Variants in SLC30A9 observed in about 807,000 individuals in gnomAD.
The protein encoded by SLC30A9 is proton-coupled zinc antiporter SLC30A9, mitochondrial.
A neutral mutation model predicts 87.5 loss-of-function variants in SLC30A9; 58 were observed. The observed-to-expected ratio is 0.66, with a 90% CI of 0.54 to 0.82. The LOEUF (loss-of-function observed/expected upper bound fraction) is 0.82. Among genes scored for constraint, SLC30A9 ranks in the 40% least tolerant of loss-of-function variants. The pLI is 0.00. For synonymous variants in SLC30A9, 234 were observed against 233.0 expected (o/e 1.00, Z -0.04); for missense variants, 557 against 679.1 (o/e 0.82, Z 2.00).
rs752992583 is a variant in SLC30A9, at chr4:41,990,681, C to T, written c.30C>T (p.Ala10=). Residue 10 remains alanine (A), a synonymous_variant, in exon 1 of 18, where the codon GCC becomes GCT. Transcript: ENST00000264451. MLPGLAAAA[A]HRCSWSSLCR... is the part of the protein sequence containing the mutation. ...TACCCGGCTTGGCCGCCGCCGCGGC[C>T]CACAGATGTAGCTGGTCCTCCCTGT... 1.2e-6 allele frequency: 2 copies of T among 1,609,844 alleles called. No homozygotes were observed. The highest frequency in any genetic ancestry group is 4.5e-5 in the East Asian group (2 of 44,762).
intron 1 of SLC30A9, among the ~76,000 whole-genome samples, chr4:41,994,368 G>T (rs1302017367): frequency 2.6e-5 from 4 of 151,782 alleles, no homozygotes; most frequent in African/African-American, 9.7e-5. Flanking sequence ...TCTGTAGTAA[G>T]TATATCCTTT....
Position 42,020,514 on chromosome 4 carries a change from A to G in SLC30A9, c.433A>G (p.Ser145Gly), listed in dbSNP as rs1445339663. 2.6e-6 allele frequency: 4 copies of G among 1,561,020 alleles called. No homozygotes were observed. The East Asian group carries it at 6.8e-5, about 27-fold the overall frequency. Residue 145 changes from serine to glycine, a missense_variant and splice_region_variant, in exon 4 of 18, where the codon AGT (serine) becomes GGT (glycine). Physicochemically the swap from Ser to Gly is moderately conservative, Grantham distance 56. This residue lies in a region of SLC30A9 where 467 missense variants were observed against 529.8 expected (regional missense o/e 0.88). Coordinates refer to ENST00000264451, the MANE Select transcript of SLC30A9 (RefSeq NM_006345.4). ...GATAAATGAGTTCTGCCTCAAATCC[A>G]GGTAATTTTTTTAAAAAATGTAGCC... Reference protein sequence around the residue: ...RAINEFCLKSSDLEQLRKIRR... With the variant: ...RAINEFCLKSGDLEQLRKIRR...
intron 10 of SLC30A9, among the ~76,000 whole-genome samples, chr4:42,060,939 A>G (rs1404305940): frequency 1.3e-5 from 2 of 152,112 alleles, no homozygotes; most frequent in African/African-American, 4.8e-5. Context: ...AAGCAATACT[A>G]CTGTTTTCCC....
At chr4:41,996,763 G>T (rs1434517230) in intron 1 of SLC30A9, among the ~76,000 whole-genome samples, 1 of 152,068 alleles carries the variant, frequency 6.6e-6, no homozygotes, top group Non-Finnish European at 1.5e-5. Context: ...GGTGGGTGCG[G>T]TGGCTCATGC....
intron 9 of SLC30A9, among the ~76,000 whole-genome samples, chr4:42,057,780 G>A (rs1022718177): frequency 6.6e-6 from 1 of 152,076 alleles, no homozygotes; most frequent in Admixed American, 6.6e-5. Context: ...GCAAATTTTT[G>A]AAACTTTTAT....
intron 1 of SLC30A9, among the ~76,000 whole-genome samples, chr4:41,994,873 G>A (rs1714628346): frequency 6.8e-6 from 1 of 146,060 alleles, no homozygotes; most frequent in Admixed American, 6.9e-5. Context: ...AATGCTCTTA[G>A]TTGTTTAAAG....
At chr4:42,038,954 A>T (rs777051630) in intron 7 of SLC30A9, 32 bp from the exon 8 acceptor site, 1 of 1,568,432 alleles carries the variant, frequency 6.4e-7, no homozygotes, top group Non-Finnish European at 8.8e-7. Context: ...AAAATTTTGG[A>T]GGTATTAAAA....
intron 14 of SLC30A9, chr4:42,070,290 C>T: frequency 2.7e-6 from 1 of 375,042 alleles, no homozygotes; most frequent in Non-Finnish European, 4.8e-6. Flanking sequence ...TATGTAATGA[C>T]AGGTACAAGT....
intron 15 of SLC30A9, among the ~76,000 whole-genome samples, chr4:42,072,763 T>A (rs564778462): frequency 2.8e-4 from 42 of 152,160 alleles, no homozygotes; most frequent in African/African-American, 9.9e-4. Flanking sequence ...TTAATTGGTT[T>A]ATAGTGACTT....
At chr4:42,005,189 A>C (rs1232728568) in intron 2 of SLC30A9, among the ~76,000 whole-genome samples, 10 of 151,920 alleles carry the variant, frequency 6.6e-5, no homozygotes. Context: ...TGAGTTCTTC[A>C]TTTTCCATGA....
rs1560543885 is a variant in SLC30A9, at chr4:42,030,059, TTGGGCACAGTGAGAAAGA to T, written c.611-5212_611-5195del. ...TAGTGTAAAGCAGATGGTGAGAACA[TTGGGCACAGTGAGAAAGA>T]TGGTTTTCAGGGATCCTTTGATGTA... On this transcript the variant is annotated intron_variant, in intron 6 of 17. Transcript: ENST00000264451. 11 of 848,938 alleles carry T rather than the reference TTGGGCACAGTGAGAAAGA, an allele frequency of 1.3e-5. No homozygotes were observed. The East Asian group carries it at 4.6e-4, about 35-fold the overall frequency. The allele number at this position is 848,938 out of a possible 1,614,324, so 52.6% of individuals were successfully genotyped here.
chr4:42,075,998 A>C (rs900865538), intron 16 of SLC30A9, among the ~76,000 whole-genome samples: 2 of 152,194 alleles, frequency 1.3e-5, no homozygotes, highest in Admixed American at 1.3e-4. Flanking sequence ...TGCTATGTGC[A>C]TTTAATCTTT....
chr4:42,089,081 T>G lies in SLC30A9; in HGVS notation c.*2955T>G, dbSNP rs1009781118. On this transcript the variant is annotated 3_prime_UTR_variant, in exon 18 of 18. Transcript: ENST00000264451. ...GAGTATTAAAGCATATAAATCATTT[T>G]TAAGGAAAATATTCTCTGCAGGAGA... The G allele has an allele frequency of 6.6e-6, 1 of 152,212 alleles. No homozygotes were observed. Among genetic ancestry groups the G allele is most frequent in the South Asian group, 2.1e-4 (1 of 4,834 alleles). 9.4% of individuals were successfully genotyped at this position (152,212 alleles called of 1,614,324 possible).
chr4:42,025,889 G>T (rs762314181), intron 6 of SLC30A9, among the ~76,000 whole-genome samples: 1 of 151,954 alleles, frequency 6.6e-6, no homozygotes, highest in Non-Finnish European at 1.5e-5. Context: ...TCCTGACCTC[G>T]TCATCCGCCC....
At chr4:42,053,304 C>T (rs536444158) in intron 9 of SLC30A9, among the ~76,000 whole-genome samples, 10 of 152,154 alleles carry the variant, frequency 6.6e-5, no homozygotes, top group Non-Finnish European at 1.2e-4. Context: ...ATTTGGCAGC[C>T]TCCTATAAAC....
rs115526798 is a variant in SLC30A9 at position 42,027,364 on chromosome 4, C to T, written c.610+3980C>T. Reference sequence around the variant, plus strand: ...AGTTGAGTAGCTCCGACAGAGACTGCGTGTGGTGCTCCTGTCACTTTGCAC... The same window carrying T: ...AGTTGAGTAGCTCCGACAGAGACTGTGTGTGGTGCTCCTGTCACTTTGCAC... On this transcript the variant is annotated intron_variant, in intron 6 of 17. Transcript: ENST00000264451. 1.2e-3 allele frequency among the ~76,000 whole-genome samples: 184 copies of T among 152,216 alleles called. 3 individuals carry two copies. The highest frequency in any genetic ancestry group is 4.0e-3 in the African/African-American group (165 of 41,538).
At chr4:41,991,314 CAA>C (rs1020887153) in intron 1 of SLC30A9, among the ~76,000 whole-genome samples, 26 of 152,308 alleles carry the variant, frequency 1.7e-4, no homozygotes, top group African/African-American at 5.5e-4. Flanking sequence ...GTCCGAAAAA[CAA>C]AGAAACTCTT....
intron 6 of SLC30A9, among the ~76,000 whole-genome samples, chr4:42,028,901 C>T (rs1242873451): frequency 6.6e-6 from 1 of 152,148 alleles, no homozygotes; most frequent in African/African-American, 2.4e-5. Context: ...TTGCTGCAGA[C>T]GTTATTTTTC....
intron 2 of SLC30A9, among the ~76,000 whole-genome samples, chr4:42,004,589 C>A (rs1427039616): frequency 6.6e-6 from 1 of 151,396 alleles, no homozygotes; most frequent in Admixed American, 6.6e-5. Context: ...CTTTAGTTGC[C>A]TCTAATATGC....
Sources: gnomAD v4.1 joint callset for allele counts (sites outside exome capture counted in the v4.1 genomes callset) on GRCh38, gnomAD v4.1.1 for gene constraint, gnomAD v4.1.1 regional missense constraint, MANE v1.5 for transcripts, NCBI Gene and HGNC (gene_info 2026-07-23, HGNC 2026-07-21) for gene names.